The following TCF12 variants were observed in gnomAD, a reference collection of about 807,000 sequenced individuals.
The protein encoded by TCF12 is DNA-binding protein HTF4.
Under a neutral mutation model 86.0 loss-of-function variants are expected in TCF12, and 45 were observed. The ratio of observed to expected loss-of-function variants is 0.52; its 90% confidence interval spans 0.41 to 0.67. The LOEUF (loss-of-function observed/expected upper bound fraction) is 0.67, where lower values mean the gene tolerates loss of function less well. Among genes scored for constraint, TCF12 ranks in the 30% least tolerant of loss-of-function variants. TCF12 has a pLI of 0.00. For missense variants in TCF12, 881 were observed against 859.9 expected (o/e 1.02, Z -0.31); for synonymous variants, 330 against 299.6 (o/e 1.10, Z -1.05).
At chr15:57,194,282 A>G (rs897911945) in intron 7 of TCF12, among the ~76,000 whole-genome samples, 2 of 152,146 alleles carry the variant, frequency 1.3e-5, no homozygotes, top group Non-Finnish European at 2.9e-5. Context: ...TGCTGTACAC[A>G]CTACATTTTC....
At chr15:57,250,760 G>A (rs949799291) in intron 13 of TCF12, among the ~76,000 whole-genome samples, 6 of 151,780 alleles carry the variant, frequency 4.0e-5, no homozygotes, top group African/African-American at 1.5e-4. Flanking sequence ...AGCCAACGTG[G>A]TGGCACACAC....
At chr15:57,247,423 A>T in intron 13 of TCF12, 1 of 693,794 alleles carries the variant, frequency 1.4e-6, no homozygotes, top group Admixed American at 1.9e-5. Flanking sequence ...GTCATCCAGC[A>T]GACTACATCT....
chr15:57,040,702 T>G (rs1394106681), intron 3 of TCF12, among the ~76,000 whole-genome samples: 1 of 152,208 alleles, frequency 6.6e-6, no homozygotes, highest in Admixed American at 6.5e-5. Context: ...TGATCAGATG[T>G]AAACACAAAA....
intron 5 of TCF12, among the ~76,000 whole-genome samples, chr15:57,132,169 TATA>T (rs1206836382): frequency 1.3e-5 from 2 of 152,154 alleles, no homozygotes; most frequent in African/African-American, 2.4e-5. Context: ...CAAAACAGTG[TATA>T]ATAATAATAA....
chr15:57,104,435 CTTTTTTTTT>C lies in TCF12; in HGVS notation c.325+12560_325+12568del, dbSNP rs71113062. Among the ~76,000 whole-genome samples the C allele has an allele frequency of 2.3e-4, 24 of 103,364 alleles. 1 individual carries two copies. The highest frequency in any genetic ancestry group is 2.5e-4 in the Admixed American group (2 of 8,052). 67.8% of individuals were successfully genotyped at this position (103,364 alleles called of 152,430 possible). A position where few individuals can be genotyped will look rare whatever the true frequency, so the allele number is the denominator to read the frequency against. On this transcript the variant is annotated intron_variant, in intron 5 of 20. Coordinates refer to ENST00000333725, the MANE Select transcript of TCF12 (RefSeq NM_207037.2). ...AGCCACAAGAATAAATTTTTTTTTTCTTTTTTTTTTTTTTTTTTTTTTTTGAGATGGAGT... is the reference window on the plus strand; with the variant it reads ...AGCCACAAGAATAAATTTTTTTTTTCTTTTTTTTTTTTTTTGAGATGGAGT...
chr15:57,026,244 G>C (rs1222417513), intron 3 of TCF12, among the ~76,000 whole-genome samples: 1 of 152,212 alleles, frequency 6.6e-6, no homozygotes, highest in Non-Finnish European at 1.5e-5. Context: ...TGTAAAAACA[G>C]ATAGTGGGCT....
At chr15:57,067,861 G>A (rs1358235488) in intron 4 of TCF12, among the ~76,000 whole-genome samples, 2 of 152,164 alleles carry the variant, frequency 1.3e-5, no homozygotes, top group Admixed American at 6.5e-5. Context: ...ACTGAAAGGA[G>A]TGATTAAAAT....
chr15:57,004,518 C>T (rs1321834511), intron 3 of TCF12, among the ~76,000 whole-genome samples: 4 of 152,176 alleles, frequency 2.6e-5, no homozygotes, highest in Admixed American at 2.0e-4. Flanking sequence ...ACGCCATTCT[C>T]CTGCCTCAGC....
At chr15:56,941,374 T>A (rs79447303) in intron 3 of TCF12, among the ~76,000 whole-genome samples, 8,542 of 59,512 alleles carry the variant, frequency 0.14, 494 homozygotes, top group African/African-American at 0.21. Context: ...CTCAAAAAAA[T>A]TTTTTTTTTT....
chr15:57,039,641 T>TC (rs34217070), intron 3 of TCF12, among the ~76,000 whole-genome samples: 85,593 of 151,854 alleles, frequency 0.56, 25,610 homozygotes, highest in African/African-American at 0.77. Context: ...TGTGGTAGAA[T>TC]TTTTTACCCT....
At chr15:57,020,438 G>A (rs985455298) in intron 3 of TCF12, among the ~76,000 whole-genome samples, 1 of 152,138 alleles carries the variant, frequency 6.6e-6, no homozygotes, top group East Asian at 1.9e-4. Flanking sequence ...TTTTAAAAGG[G>A]TACTTTATTT....
At chr15:57,017,046 A>G (rs2065194006) in intron 3 of TCF12, among the ~76,000 whole-genome samples, 1 of 152,088 alleles carries the variant, frequency 6.6e-6, no homozygotes, top group African/African-American at 2.4e-5. Flanking sequence ...CTGGGATGTG[A>G]CTAATAAAGT....
At chr15:56,947,907 A>T (rs2061081263) in intron 3 of TCF12, among the ~76,000 whole-genome samples, 1 of 152,158 alleles carries the variant, frequency 6.6e-6, no homozygotes, top group East Asian at 1.9e-4. Flanking sequence ...CCTTGCATGG[A>T]GCAGAGCTGG....
chr15:57,166,894 A>G (rs1226531016), intron 6 of TCF12, among the ~76,000 whole-genome samples: 1 of 152,046 alleles, frequency 6.6e-6, no homozygotes, highest in Non-Finnish European at 1.5e-5. Context: ...TAGGCTTCAC[A>G]CCCTCCCTGA....
At chr15:57,083,832 C>T (rs149549673) in intron 4 of TCF12, among the ~76,000 whole-genome samples, 2 of 152,262 alleles carry the variant, frequency 1.3e-5, no homozygotes, top group African/African-American at 4.8e-5. Context: ...CCTCCCACCT[C>T]GGCTTCCCAA....
intron 6 of TCF12, among the ~76,000 whole-genome samples, chr15:57,187,368 A>T (rs183788099): frequency 6.6e-6 from 1 of 152,164 alleles, no homozygotes; most frequent in African/African-American, 2.4e-5. Flanking sequence ...AGTGTTTTCT[A>T]CTTTTACTGA....
chr15:57,224,530 A>G (rs2058775974), intron 8 of TCF12, among the ~76,000 whole-genome samples: 1 of 152,154 alleles, frequency 6.6e-6, no homozygotes. Flanking sequence ...AAAACCAGTA[A>G]TGTTCACCTG....
In TCF12 at chr15:57,286,340, A is replaced by T. The variant is rs1470792395; in HGVS notation, c.*195A>T. The T allele has an allele frequency of 4.6e-6, 1 of 215,792 alleles. No homozygotes were observed. The allele number at this position is 215,792 out of a possible 1,614,324, so 13.4% of individuals were successfully genotyped here. On this transcript the variant is annotated 3_prime_UTR_variant, in exon 21 of 21. Transcript: ENST00000333725. The stretch of plus-strand genomic sequence containing the variant: ...GTCAACACTTCCATCAGAAGTGAAG[A>T]TAGGAAGCTCATCAGATAGAACATC...
At chr15:56,958,943 AAACTG>A in intron 3 of TCF12, among the ~76,000 whole-genome samples, 1 of 152,288 alleles carries the variant, frequency 6.6e-6, no homozygotes, top group Admixed American at 6.5e-5. Flanking sequence ...GTGGATTGTG[AAACTG>A]GAAATGAGTT....
Sources: allele counts gnomAD v4.1 joint callset (sites outside exome capture counted in the v4.1 genomes callset), GRCh38; gene constraint gnomAD v4.1.1; transcripts MANE v1.5; gene names NCBI Gene and HGNC (gene_info 2026-07-23, HGNC 2026-07-21).